CSMD3: variants seen among roughly 807,000 people sequenced by gnomAD.
CSMD3 encodes the protein CUB and sushi domain-containing protein 3.
A neutral mutation model predicts 435.2 loss-of-function variants in CSMD3; 177 were observed. The observed-to-expected ratio is 0.41, with a 90% confidence interval of 0.36 to 0.46. CSMD3 has a LOEUF of 0.46. Ranked by LOEUF, CSMD3 falls within the 20% of genes least tolerant of loss-of-function variation. The pLI is 0.34. For synonymous variants in CSMD3, 1,656 were observed against 1,520.5 expected, an observed-to-expected ratio of 1.09 and a Z score of -2.07; for missense variants, 4,265 against 4,504.6, an observed-to-expected ratio of 0.95 and a Z score of 1.52.
In CSMD3 at chr8:113,279,121, A is replaced by C. The variant is rs559791687; in HGVS notation, c.402-417T>G. Among the ~76,000 whole-genome samples, 9 of 151,472 alleles carry C rather than the reference A, an allele frequency of 5.9e-5. No homozygotes were observed. The South Asian group carries it at 1.9e-3, about 31-fold the overall frequency. On this transcript the variant is annotated intron_variant, in intron 2 of 70. Coordinates refer to ENST00000297405, the MANE Select transcript of CSMD3 (RefSeq NM_198123.2). The stretch of plus-strand genomic sequence containing the variant: ...ATTATATAAAATGAGTACATTCAGA[A>C]CCTATTAAGGCAATATTTATGTAAT...
In CSMD3 at chr8:112,685,385, A is replaced by C. The variant is rs756335843; in HGVS notation, c.2482+21T>G. On this transcript the variant is annotated intron_variant, in intron 15 of 70. Transcript: ENST00000297405. ...TTATAGAAATATATTATATGGGAAA[A>C]AAACAGAAACAGAAACTTACTGTTG... 9 of 1,597,510 alleles carry C rather than the reference A, an allele frequency of 5.6e-6. No homozygotes were observed. In the African/African-American group the frequency reaches 1.2e-4, roughly 21 times the overall value.
At chr8:112,314,282 G>A (rs1822258912) in intron 48 of CSMD3, 147 bp downstream of exon 48, 2 of 702,204 alleles carry the variant, frequency 2.8e-6, no homozygotes, top group Non-Finnish European at 4.9e-6. Flanking sequence ...TTTTCATATG[G>A]TATAGGAGTG....
intron 58 of CSMD3, among the ~76,000 whole-genome samples, chr8:112,283,664 T>C (rs1028865221): frequency 6.6e-6 from 1 of 151,724 alleles, no homozygotes; most frequent in South Asian, 2.1e-4. Flanking sequence ...TGGTTTTCCA[T>C]ACAGTTAATA....
At chr8:112,475,400 A>C (rs570555187) in intron 31 of CSMD3, among the ~76,000 whole-genome samples, 16 of 152,234 alleles carry the variant, frequency 1.1e-4, no homozygotes, top group Admixed American at 1.0e-3. Context: ...ACATGTCCTT[A>C]TGGTAATATT....
At chr8:113,307,154 A>C (rs2093827928) in intron 2 of CSMD3, among the ~76,000 whole-genome samples, 1 of 152,142 alleles carries the variant, frequency 6.6e-6, no homozygotes, top group Non-Finnish European at 1.5e-5. Context: ...ATTACTGTAG[A>C]AATACAGATA....
chr8:113,048,461 T>G (rs1351236273), intron 5 of CSMD3, among the ~76,000 whole-genome samples: 2 of 152,166 alleles, frequency 1.3e-5, no homozygotes, highest in African/African-American at 2.4e-5. Context: ...CTATGGATAC[T>G]TTTTTAACAA....
intron 1 of CSMD3, among the ~76,000 whole-genome samples, chr8:113,428,204 ATATCTATCTATCTATCTATCTATC>A (rs36077177): frequency 6.2e-5 from 9 of 146,116 alleles, no homozygotes; most frequent in Non-Finnish European, 9.1e-5. Context: ...CAACTGTGGG[ATATCTATCTATCTATCTATCTATC>A]TATCTATCTA....
chr8:113,111,264 G>C (rs1001195601), intron 4 of CSMD3, among the ~76,000 whole-genome samples: 1 of 152,016 alleles, frequency 6.6e-6, no homozygotes. Context: ...GGGGTACAGC[G>C]TGATGTTTTA....
chr8:112,513,541 T>C (rs1215175449), intron 28 of CSMD3, among the ~76,000 whole-genome samples: 1 of 152,056 alleles, frequency 6.6e-6, no homozygotes, highest in Admixed American at 6.5e-5. Flanking sequence ...TGATCACAGA[T>C]CACAATAACA....
intron 65 of CSMD3, among the ~76,000 whole-genome samples, chr8:112,243,864 G>A (rs767520402): frequency 9.2e-5 from 14 of 152,084 alleles, no homozygotes; most frequent in Non-Finnish European, 1.6e-4. Flanking sequence ...AAGAAGAGGA[G>A]AGGCCACACA....
intron 9 of CSMD3, among the ~76,000 whole-genome samples, chr8:112,945,649 T>G (rs1359685955): frequency 6.6e-6 from 1 of 150,886 alleles, no homozygotes; most frequent in Non-Finnish European, 1.5e-5. Flanking sequence ...TTTTAAATGT[T>G]GTCTCCATTA....
intron 58 of CSMD3, among the ~76,000 whole-genome samples, chr8:112,284,067 T>C (rs1818931580): frequency 6.6e-6 from 1 of 151,818 alleles, no homozygotes. Flanking sequence ...ATTTAACTTG[T>C]TTGAAATATA....
chr8:112,310,551 T>C (rs951847817), intron 50 of CSMD3: 11 of 237,766 alleles, frequency 4.6e-5, no homozygotes, highest in African/African-American at 2.3e-4. Context: ...TACATTTTTC[T>C]CTTAAATTTG....
At chr8:112,574,170 G>T (rs1036045909) in intron 23 of CSMD3, among the ~76,000 whole-genome samples, 1 of 151,874 alleles carries the variant, frequency 6.6e-6, no homozygotes, top group Non-Finnish European at 1.5e-5. Context: ...AATGCTTTTA[G>T]AAACTAATTT....
chr8:112,402,375 T>C (rs1831419252), intron 35 of CSMD3, among the ~76,000 whole-genome samples: 1 of 152,216 alleles, frequency 6.6e-6, no homozygotes, highest in Non-Finnish European at 1.5e-5. Context: ...ACATGATAGA[T>C]ATACAAACAG....
chr8:112,785,082 T>A (rs2078503181), intron 13 of CSMD3, among the ~76,000 whole-genome samples: 1 of 152,038 alleles, frequency 6.6e-6, no homozygotes, highest in African/African-American at 2.4e-5. Context: ...GTGGCATTCA[T>A]CTCAGGGATG....
intron 1 of CSMD3, among the ~76,000 whole-genome samples, chr8:113,403,968 C>G (rs1281540004): frequency 6.6e-6 from 1 of 151,292 alleles, no homozygotes; most frequent in Non-Finnish European, 1.5e-5. Context: ...AAAATGATTC[C>G]AAAAACCAAC....
chr8:112,342,965 A>G (rs1825269239), intron 41 of CSMD3, among the ~76,000 whole-genome samples: 1 of 135,282 alleles, frequency 7.4e-6, no homozygotes, highest in Non-Finnish European at 1.5e-5. Flanking sequence ...TACCTCTTGA[A>G]ATGTATTATA....
At chr8:113,312,194 G>T (rs1032066291) in intron 2 of CSMD3, 3 of 151,932 alleles carry the variant, frequency 2.0e-5, no homozygotes, top group Admixed American at 6.6e-5. Flanking sequence ...TCTGCCTTTT[G>T]CCACTTTCAA....
Sources: allele counts gnomAD v4.1 joint callset (sites outside exome capture counted in the v4.1 genomes callset), GRCh38; gene constraint gnomAD v4.1.1; transcripts MANE v1.5; gene names NCBI Gene and HGNC (gene_info 2026-07-23, HGNC 2026-07-21).